CSMD1: variants seen among roughly 807,000 people sequenced by gnomAD.
The protein encoded by CSMD1 is CUB and sushi domain-containing protein 1.
In CSMD1, 213 loss-of-function variants were observed where a neutral mutation model predicts 417.5. The ratio of observed to expected loss-of-function variants is 0.51; its 90% CI spans 0.46 to 0.57. The LOEUF (loss-of-function observed/expected upper bound fraction) is 0.57. Ranked by LOEUF, CSMD1 falls within the 20% of genes least tolerant of loss-of-function variation. CSMD1 has a pLI of 0.00. For synonymous variants in CSMD1, 2,862 were observed against 1,736.8 expected, an observed-to-expected ratio of 1.65 and a Z score of -16.11; for missense variants, 6,923 against 4,529.7, an observed-to-expected ratio of 1.53 and a Z score of -15.17.
intron 2 of CSMD1, among the ~76,000 whole-genome samples, chr8:4,489,892 C>A (rs982894354): frequency 6.6e-6 from 1 of 152,170 alleles, no homozygotes; most frequent in African/African-American, 2.4e-5. Flanking sequence ...CTACGACCCA[C>A]AGACACCGTG....
chr8:4,211,608 T>A (rs1240944542), intron 3 of CSMD1, among the ~76,000 whole-genome samples: 1 of 152,222 alleles, frequency 6.6e-6, no homozygotes, highest in Non-Finnish European at 1.5e-5. Flanking sequence ...CATCTCCAAG[T>A]TGCTCCATAA....
In CSMD1 at chr8:3,174,124, C is replaced by G. The variant is rs953693284; in HGVS notation, c.5725+6986G>C. On this transcript the variant is annotated intron_variant, in intron 37 of 69. Transcript: ENST00000635120. ...TGACTTCACAGTAATATTCTATTGA[C>G]CAGTGTAATCATCAGCACAGCGAAC... Among the ~76,000 whole-genome samples, 4 of 152,100 alleles carry G rather than the reference C, an allele frequency of 2.6e-5. No individual in the cohort carries two copies. In the East Asian group the frequency reaches 7.7e-4, roughly 29 times the overall value.
At chr8:3,188,649 T>A (rs920299498) in intron 35 of CSMD1, among the ~76,000 whole-genome samples, 2 of 151,842 alleles carry the variant, frequency 1.3e-5, no homozygotes, top group Non-Finnish European at 2.9e-5. Flanking sequence ...TAGTTTTTAT[T>A]TTAAAAAATT....
At chr8:3,847,118 C>A (rs1158649751) in intron 5 of CSMD1, among the ~76,000 whole-genome samples, 3 of 152,088 alleles carry the variant, frequency 2.0e-5, no homozygotes, top group East Asian at 3.9e-4. Flanking sequence ...CCTGAGGTCT[C>A]CTCCTCTTGC....
intron 2 of CSMD1, among the ~76,000 whole-genome samples, chr8:4,565,153 C>A (rs368837680): frequency 6.6e-6 from 1 of 152,190 alleles, no homozygotes; most frequent in Non-Finnish European, 1.5e-5. Flanking sequence ...CAGCCTCAGA[C>A]TGATTTGACT....
chr8:3,332,901 C>G (rs1219396134), intron 23 of CSMD1, among the ~76,000 whole-genome samples: 3 of 152,182 alleles, frequency 2.0e-5, no homozygotes, highest in Non-Finnish European at 4.4e-5. Context: ...AGTGTGAGAG[C>G]ACCAGATGCC....
intron 1 of CSMD1, among the ~76,000 whole-genome samples, chr8:4,846,795 C>T (rs558570498): frequency 6.6e-6 from 1 of 152,154 alleles, no homozygotes; most frequent in African/African-American, 2.4e-5. Context: ...GTAAATTAGA[C>T]AGCAAATGTG....
At chr8:4,535,297 T>A (rs1429531400) in intron 2 of CSMD1, among the ~76,000 whole-genome samples, 3 of 152,194 alleles carry the variant, frequency 2.0e-5, no homozygotes, top group Admixed American at 6.5e-5. Context: ...AAGTCAATTA[T>A]TTGTTATCTG....
intron 11 of CSMD1, among the ~76,000 whole-genome samples, chr8:3,491,365 C>G (rs1818370435): frequency 6.6e-6 from 1 of 152,234 alleles, no homozygotes; most frequent in African/African-American, 2.4e-5. Flanking sequence ...ACCCAAATTC[C>G]CAGGATTATA....
chr8:3,493,396 G>A (rs1026498794), intron 11 of CSMD1, among the ~76,000 whole-genome samples: 1 of 150,880 alleles, frequency 6.6e-6, no homozygotes, highest in Non-Finnish European at 1.5e-5. Context: ...AAACATATAT[G>A]TTTTTAATAA....
At chr8:4,718,247 G>T (rs1027091536) in intron 1 of CSMD1, among the ~76,000 whole-genome samples, 1 of 152,158 alleles carries the variant, frequency 6.6e-6, no homozygotes. Context: ...AAAATGTTGG[G>T]ATTACAGGTG....
At chr8:3,902,128 G>C (rs958632717) in intron 5 of CSMD1, among the ~76,000 whole-genome samples, 5 of 152,074 alleles carry the variant, frequency 3.3e-5, no homozygotes, top group Admixed American at 2.0e-4. Flanking sequence ...TAATATGACA[G>C]AAGTAACACA....
intron 1 of CSMD1, among the ~76,000 whole-genome samples, chr8:4,921,093 A>G (rs925624700): frequency 6.6e-6 from 1 of 151,240 alleles, no homozygotes; most frequent in Non-Finnish European, 1.5e-5. Flanking sequence ...AGAAAGAAAA[A>G]GAAAAAAGAA....
intron 8 of CSMD1, among the ~76,000 whole-genome samples, chr8:3,610,919 T>G (rs968190068): frequency 7.2e-5 from 11 of 152,088 alleles, no homozygotes; most frequent in Non-Finnish European, 1.2e-4. Context: ...TGGGAAAAAC[T>G]GATGGCGATT....
chr8:4,078,898 T>TAA (rs1295773385), intron 3 of CSMD1, among the ~76,000 whole-genome samples: 21 of 12,728 alleles, frequency 1.6e-3, no homozygotes, highest in African/African-American at 4.6e-3. Flanking sequence ...TAATAATAAA[T>TAA]ATATATATAT....
At chr8:4,362,521 T>A (rs745833982) in intron 3 of CSMD1, among the ~76,000 whole-genome samples, 167 of 152,348 alleles carry the variant, frequency 1.1e-3, no homozygotes, top group Non-Finnish European at 1.0e-3. Flanking sequence ...ATTTGTGCAA[T>A]AGATAGAACA....
intron 1 of CSMD1, among the ~76,000 whole-genome samples, 192 bp from the exon 2 acceptor site, chr8:4,637,750 A>G (rs1343605029): frequency 7.1e-6 from 1 of 141,006 alleles, no homozygotes; most frequent in Non-Finnish European, 1.5e-5. Flanking sequence ...AGCTCACTGC[A>G]AGCTCCGCTT....
At chr8:3,622,027 G>A (rs75841950) in intron 7 of CSMD1, among the ~76,000 whole-genome samples, 1 of 150,526 alleles carries the variant, frequency 6.6e-6, no homozygotes, top group African/African-American at 2.5e-5. Context: ...GTTTGAATAG[G>A]TCTGTATTTC....
intron 1 of CSMD1, among the ~76,000 whole-genome samples, chr8:4,747,242 G>C (rs1425900216): frequency 1.3e-5 from 2 of 152,148 alleles, no homozygotes; most frequent in African/African-American, 2.4e-5. Flanking sequence ...ATTTTATTGA[G>C]ACATGCCTTT....
Sources: allele counts gnomAD v4.1 joint callset (sites outside exome capture counted in the v4.1 genomes callset), GRCh38; gene constraint gnomAD v4.1.1; transcripts MANE v1.5; gene names NCBI Gene and HGNC (gene_info 2026-07-23, HGNC 2026-07-21).